Variants in PTPRD observed in about 807,000 individuals in gnomAD.
PTPRD encodes receptor-type tyrosine-protein phosphatase delta.
PTPRD carries 34 observed loss-of-function variants against 214.5 expected under a neutral mutation model. The ratio of observed to expected loss-of-function variants is 0.16; its 90% CI spans 0.12 to 0.21. PTPRD has a LOEUF of 0.21. Ranked by LOEUF, PTPRD falls within the 10% of genes least tolerant of loss-of-function variation. The pLI is 1.00. For missense variants in PTPRD, 2,545 were observed against 2,398.7 expected (o/e 1.06, Z -1.27); for synonymous variants, 1,128 against 845.7 (o/e 1.33, Z -5.79).
chr9:9,468,888 T>C (rs1219804264), intron 8 of PTPRD, among the ~76,000 whole-genome samples: 1 of 152,138 alleles, frequency 6.6e-6, no homozygotes, highest in Non-Finnish European at 1.5e-5. Flanking sequence ...TTTTAATCAT[T>C]TTGATCAGGG....
At position 9,768,205 on chromosome 9, in the gene PTPRD, C is replaced by T. The variant is rs570133164; in HGVS notation, c.-367-1354G>A. ...GTTCCTTGGATAGCTAATCAGCCAA[C>T]GCTGTAGACTACTTACATACCCTCT... On this transcript the variant is annotated intron_variant, in intron 5 of 45. Transcript: ENST00000381196. 1.4e-4 allele frequency among the ~76,000 whole-genome samples: 22 copies of T among 152,188 alleles called. No individual in the cohort carries two copies. The South Asian group carries it at 3.9e-3, about 27-fold the overall frequency.
chr9:9,483,621 T>C (rs1226085606), intron 8 of PTPRD, among the ~76,000 whole-genome samples: 4 of 152,036 alleles, frequency 2.6e-5, no homozygotes, highest in Non-Finnish European at 5.9e-5. Flanking sequence ...CTTTGTCTCA[T>C]TGCTAGAGGG....
At chr9:9,050,131 C>A (rs1000670630) in intron 10 of PTPRD, among the ~76,000 whole-genome samples, 4 of 152,132 alleles carry the variant, frequency 2.6e-5, no homozygotes, top group Non-Finnish European at 4.4e-5. Flanking sequence ...TTTCTTATCT[C>A]CAAAGGCTAT....
chr9:10,343,936 T>C (rs1179084918), intron 2 of PTPRD, among the ~76,000 whole-genome samples: 1 of 150,786 alleles, frequency 6.6e-6, no homozygotes, highest in African/African-American at 2.4e-5. Context: ...GATTGCAAAA[T>C]TTTTCTCCCA....
intron 2 of PTPRD, among the ~76,000 whole-genome samples, chr9:10,432,702 G>C (rs2098691086): frequency 1.3e-5 from 2 of 151,920 alleles, no homozygotes; most frequent in Admixed American, 1.3e-4. Context: ...AGTATCTAAA[G>C]GACAACGTTA....
chr9:9,482,311 T>C (rs1316937304), intron 8 of PTPRD, among the ~76,000 whole-genome samples: 2 of 152,232 alleles, frequency 1.3e-5, no homozygotes, highest in Non-Finnish European at 2.9e-5. Context: ...TGTTTTAACC[T>C]AGAATTCTAG....
intron 4 of PTPRD, among the ~76,000 whole-genome samples, chr9:9,991,310 G>C (rs1363825208): frequency 6.6e-5 from 10 of 151,642 alleles, no homozygotes; most frequent in Middle Eastern, 3.4e-3. Flanking sequence ...CTCAAACAGA[G>C]AGTGAAAAAA....
intron 4 of PTPRD, among the ~76,000 whole-genome samples, chr9:10,024,671 G>A (rs796308156): frequency 6.6e-6 from 1 of 151,138 alleles, no homozygotes; most frequent in African/African-American, 2.4e-5. Context: ...GGGTACATGT[G>A]CACAACGTGC....
chr9:9,877,497 T>C (rs2067227301), intron 5 of PTPRD, among the ~76,000 whole-genome samples: 1 of 152,094 alleles, frequency 6.6e-6, no homozygotes, highest in African/African-American at 2.4e-5. Flanking sequence ...AGGTGGAGAT[T>C]CTTTTCTTTT....
rs1461205098 is a variant in PTPRD, at chr9:10,598,969, C to T, written c.-600+13429G>A. Among the ~76,000 whole-genome samples, 10 of 151,660 alleles carry T rather than the reference C, an allele frequency of 6.6e-5. No individual in the cohort carries two copies. The Admixed American group carries it at 6.6e-4, about 10-fold the overall frequency. On this transcript the variant is annotated intron_variant, in intron 2 of 45. Transcript: ENST00000381196. The stretch of plus-strand genomic sequence containing the variant: ...CTGTTCCTCTTACTAATAACAGCCA[C>T]TCTCAAATTTTAGCTAGGTACACAA...
chr9:10,560,024 A>C (rs1032692063), intron 2 of PTPRD, among the ~76,000 whole-genome samples: 6 of 152,188 alleles, frequency 3.9e-5, no homozygotes, highest in African/African-American at 7.2e-5. Flanking sequence ...ATCTAGAACT[A>C]GAAATACCAT....
At chr9:9,107,681 GAA>G (rs986188676) in intron 10 of PTPRD, among the ~76,000 whole-genome samples, 1 of 152,134 alleles carries the variant, frequency 6.6e-6, no homozygotes, top group African/African-American at 2.4e-5. Flanking sequence ...CCTTTGGTTG[GAA>G]AGTTTTTCAT....
intron 37 of PTPRD, among the ~76,000 whole-genome samples, chr9:8,387,815 A>G (rs982123863): frequency 2.0e-5 from 3 of 152,206 alleles, no homozygotes; most frequent in Non-Finnish European, 4.4e-5. Flanking sequence ...AATGCACCTA[A>G]TATGTTAGAC....
chr9:8,384,179 G>C (rs1589190277), intron 37 of PTPRD, among the ~76,000 whole-genome samples: 1 of 152,172 alleles, frequency 6.6e-6, no homozygotes, highest in South Asian at 2.1e-4. Context: ...TATCCTTGGA[G>C]TGGAAATCCC....
In PTPRD at chr9:9,850,577, GTATA is replaced by G. The variant is rs201072431; in HGVS notation, c.-367-83730_-367-83727del. On this transcript the variant is annotated intron_variant, in intron 5 of 45. Coordinates refer to ENST00000381196, the MANE Select transcript of PTPRD (RefSeq NM_002839.4). ...ATTTTTAAATAGACAAATTAAAATT[GTATA>G]TATAGTGTAAATGATGATGTAAAAT... Among the ~76,000 whole-genome samples the G allele has an allele frequency of 8.7e-3, 1,325 of 152,128 alleles. 21 individuals carry two copies. The highest frequency in any genetic ancestry group is 0.03 in the African/African-American group (1,258 of 41,506).
rs774753849 is a variant in PTPRD at position 9,998,110 on chromosome 9, T to C, written c.-472+35608A>G. ...TGCACATGTACCCTAGAACTTAAAG[T>C]ATAATAAAAAAAAAAAAAAATATAT... On this transcript the variant is annotated intron_variant, in intron 4 of 45. Transcript: ENST00000381196. Among the ~76,000 whole-genome samples, 200 of 55,124 alleles carry C rather than the reference T, an allele frequency of 3.6e-3. 1 individual carries two copies. Among genetic ancestry groups the C allele is most frequent in the Non-Finnish European group, 5.2e-3 (153 of 29,676 alleles). 36.2% of individuals were successfully genotyped at this position (55,124 alleles called of 152,430 possible).
intron 5 of PTPRD, among the ~76,000 whole-genome samples, chr9:9,922,183 T>G (rs539874424): frequency 6.6e-6 from 1 of 152,244 alleles, no homozygotes; most frequent in African/African-American, 2.4e-5. Context: ...ACGAATGAAC[T>G]GCAGTTCTGA....
intron 9 of PTPRD, among the ~76,000 whole-genome samples, chr9:9,321,633 G>A (rs1288027081): frequency 6.6e-6 from 1 of 151,488 alleles, no homozygotes; most frequent in Non-Finnish European, 1.5e-5. Flanking sequence ...ATTCTAAGAA[G>A]TTATAGTAAT....
intron 3 of PTPRD, among the ~76,000 whole-genome samples, chr9:10,167,625 G>A (rs1228543915): frequency 6.6e-6 from 1 of 152,092 alleles, no homozygotes; most frequent in East Asian, 1.9e-4. Flanking sequence ...TTTTAAAATA[G>A]GATGATTTAT....
Sources: gnomAD v4.1 joint callset for allele counts (sites outside exome capture counted in the v4.1 genomes callset) on GRCh38, gnomAD v4.1.1 for gene constraint, MANE v1.5 for transcripts, NCBI Gene and HGNC (gene_info 2026-07-23, HGNC 2026-07-21) for gene names.